Variants in DSCAM observed in about 807,000 individuals in gnomAD.
DSCAM encodes the protein DS cell adhesion molecule, also known as cell adhesion molecule DSCAM.
In DSCAM, 47 loss-of-function variants were observed where a neutral mutation model predicts 217.7. The ratio of observed to expected loss-of-function variants is 0.22; its 90% CI spans 0.17 to 0.28. The LOEUF (loss-of-function observed/expected upper bound fraction) is 0.28, where lower values mean the gene tolerates loss of function less well. DSCAM is among the 10% of genes least tolerant of loss of function. DSCAM has a pLI of 1.00. For missense variants in DSCAM, 2,080 were observed against 2,618.3 expected (o/e 0.79, Z 4.49); for synonymous variants, 1,056 against 1,015.3 (o/e 1.04, Z -0.76).
chr21:40,837,799 C>A lies in DSCAM; in HGVS notation c.43+8820G>T, dbSNP rs571515452. On this transcript the variant is annotated intron_variant, in intron 1 of 32. Transcript: ENST00000400454. The stretch of plus-strand genomic sequence containing the variant: ...ATGGTTCCCGTTTTGCTGGTAGAGG[C>A]CATTGTTGTCATTGTTGGGTGTCTT... Among the ~76,000 whole-genome samples, 504 of 152,306 alleles carry A rather than the reference C, an allele frequency of 3.3e-3. 2 individuals carry two copies. Among genetic ancestry groups the A allele is most frequent in the Non-Finnish European group, 4.5e-3 (308 of 68,030 alleles).
At chr21:40,233,567 AC>A (rs2091400764) in intron 11 of DSCAM, among the ~76,000 whole-genome samples, 1 of 152,086 alleles carries the variant, frequency 6.6e-6, no homozygotes, top group Non-Finnish European at 1.5e-5. Flanking sequence ...ATAATTAGAG[AC>A]TTTTTGCCCC....
intron 11 of DSCAM, among the ~76,000 whole-genome samples, chr21:40,216,800 T>C (rs1023771686): frequency 1.4e-4 from 21 of 152,202 alleles, no homozygotes; most frequent in African/African-American, 4.6e-4. Context: ...GCCACTGCCC[T>C]ACCTCCCCCC....
chr21:40,104,846 C>T (rs1221165681), intron 20 of DSCAM, among the ~76,000 whole-genome samples: 2 of 152,094 alleles, frequency 1.3e-5, no homozygotes, highest in African/African-American at 2.4e-5. Context: ...TTTCTGTGAA[C>T]CTAAAACTGC....
At chr21:40,578,621 C>A (rs1029520788) in intron 3 of DSCAM, among the ~76,000 whole-genome samples, 1 of 152,162 alleles carries the variant, frequency 6.6e-6, no homozygotes, top group East Asian at 1.9e-4. Flanking sequence ...ACTGTGGTAC[C>A]TTTGTTCTTT....
At chr21:40,569,008 A>C (rs974470001) in intron 3 of DSCAM, among the ~76,000 whole-genome samples, 1 of 152,180 alleles carries the variant, frequency 6.6e-6, no homozygotes, top group African/African-American at 2.4e-5. Context: ...AATCCCAGAT[A>C]GGCTGTTTAT....
At chr21:40,807,718 G>A (rs1178895686) in intron 1 of DSCAM, among the ~76,000 whole-genome samples, 4 of 152,180 alleles carry the variant, frequency 2.6e-5, no homozygotes, top group African/African-American at 9.7e-5. Context: ...GTTAGAACCA[G>A]AGAGTGGTCA....
intron 3 of DSCAM, among the ~76,000 whole-genome samples, chr21:40,673,740 A>G (rs756156214): frequency 1.4e-4 from 21 of 152,098 alleles, no homozygotes; most frequent in Non-Finnish European, 2.8e-4. Flanking sequence ...AAAAGTATGC[A>G]GCTCCTCCCT....
chr21:40,188,223 C>T (rs1217981701), intron 12 of DSCAM, among the ~76,000 whole-genome samples: 12 of 152,226 alleles, frequency 7.9e-5, no homozygotes, highest in Middle Eastern at 3.4e-3. Context: ...TGAAAGTAGG[C>T]GGATGGATAG....
At chr21:40,469,481 G>C (rs1420642407) in intron 3 of DSCAM, among the ~76,000 whole-genome samples, 1 of 152,112 alleles carries the variant, frequency 6.6e-6, no homozygotes, top group Non-Finnish European at 1.5e-5. Context: ...TAAATTCCCT[G>C]ACAAAGTTGA....
At chr21:40,028,559 T>G (rs1232645209) in intron 32 of DSCAM, among the ~76,000 whole-genome samples, 1 of 152,132 alleles carries the variant, frequency 6.6e-6, no homozygotes, top group Non-Finnish European at 1.5e-5. Context: ...TGGTGCGCCA[T>G]GTTTTAAGCC....
At chr21:40,844,459 A>T (rs2092128573) in intron 1 of DSCAM, among the ~76,000 whole-genome samples, 1 of 152,218 alleles carries the variant, frequency 6.6e-6, no homozygotes, top group Non-Finnish European at 1.5e-5. Flanking sequence ...GTAATACAGC[A>T]ATGTAAAATA....
chr21:40,176,513 G>T (rs1473757748), intron 15 of DSCAM, among the ~76,000 whole-genome samples: 14 of 152,312 alleles, frequency 9.2e-5, no homozygotes, highest in Non-Finnish European at 1.9e-4. Flanking sequence ...AGTGTCTACA[G>T]CCCCTGCTCA....
At chr21:40,620,053 GAAAA>G (rs1317182955) in intron 3 of DSCAM, among the ~76,000 whole-genome samples, 1 of 74,784 alleles carries the variant, frequency 1.3e-5, no homozygotes, top group Non-Finnish European at 2.8e-5. Context: ...AGAGAAAAAA[GAAAA>G]AGAAAGAAAG....
chr21:40,436,018 AC>A (rs553474326), intron 3 of DSCAM, among the ~76,000 whole-genome samples: 8 of 152,148 alleles, frequency 5.3e-5, no homozygotes, highest in Middle Eastern at 3.2e-3. Context: ...ATTTTGCCCA[AC>A]TGTAGGCTAA....
chr21:40,430,429 CA>C (rs1344931916), intron 3 of DSCAM, among the ~76,000 whole-genome samples: 1 of 152,160 alleles, frequency 6.6e-6, no homozygotes, highest in Non-Finnish European at 1.5e-5. Context: ...GGCAGAAAAA[CA>C]TGAAAACAAG....
intron 2 of DSCAM, among the ~76,000 whole-genome samples, chr21:40,694,722 C>T (rs760570448): frequency 4.0e-5 from 6 of 151,786 alleles, no homozygotes; most frequent in Non-Finnish European, 8.8e-5. Context: ...GTCCACTAGG[C>T]AAAAATTCAG....
At chr21:40,627,405 G>A (rs530523462) in intron 3 of DSCAM, among the ~76,000 whole-genome samples, 12 of 152,274 alleles carry the variant, frequency 7.9e-5, no homozygotes, top group African/African-American at 2.9e-4. Flanking sequence ...CCCACTATAT[G>A]AGTAAATATG....
intron 3 of DSCAM, among the ~76,000 whole-genome samples, chr21:40,533,396 T>C (rs978428676): frequency 6.6e-6 from 1 of 151,364 alleles, no homozygotes; most frequent in Non-Finnish European, 1.5e-5. Flanking sequence ...CATATAAGCA[T>C]TGTTAAAGGA....
At chr21:40,097,954 A>C (rs867228826) in intron 20 of DSCAM, among the ~76,000 whole-genome samples, 1 of 51,516 alleles carries the variant, frequency 1.9e-5, no homozygotes, top group Non-Finnish European at 3.6e-5. Context: ...AAAAAAAAAA[A>C]AAAGAAAGAA....
Sources: gnomAD v4.1 joint callset for allele counts (sites outside exome capture counted in the v4.1 genomes callset) on GRCh38, gnomAD v4.1.1 for gene constraint, MANE v1.5 for transcripts, NCBI Gene and HGNC (gene_info 2026-07-23, HGNC 2026-07-21) for gene names.